PHF14: variants seen among roughly 807,000 people sequenced by gnomAD.
The protein encoded by PHF14 is PHD finger protein 14.
In PHF14, 55 loss-of-function variants were observed where a neutral mutation model predicts 117.9. The ratio of observed to expected loss-of-function variants is 0.47; its 90% CI spans 0.38 to 0.58. The LOEUF (loss-of-function observed/expected upper bound fraction) is 0.58, where lower values mean the gene tolerates loss of function less well. PHF14 is among the 20% of genes least tolerant of loss of function. The pLI is 0.00. For synonymous variants in PHF14, 409 were observed against 368.6 expected, an observed-to-expected ratio of 1.11 and a Z score of -1.26; for missense variants, 978 against 1,122.2, an observed-to-expected ratio of 0.87 and a Z score of 1.84.
At chr7:11,152,109 T>A (rs1288504511) in intron 17 of PHF14, among the ~76,000 whole-genome samples, 1 of 152,132 alleles carries the variant, frequency 6.6e-6, no homozygotes, top group Non-Finnish European at 1.5e-5. Flanking sequence ...TTGCTTTTGA[T>A]CAGTACTGCA....
At chr7:11,016,752 C>T (rs1379209072) in intron 5 of PHF14, among the ~76,000 whole-genome samples, 2 of 152,062 alleles carry the variant, frequency 1.3e-5, no homozygotes, top group Non-Finnish European at 2.9e-5. Flanking sequence ...AATCCAGTTA[C>T]CCTCTTTAAG....
rs118030845 is a variant in PHF14 at position 11,121,152 on chromosome 7, G to A, written c.2772+9685G>A. The stretch of plus-strand genomic sequence containing the variant: ...TCCCTAAAGAATGACTTTTTAACAG[G>A]TAAATATCAGCAACACACCCTTTTT... On this transcript the variant is annotated intron_variant, in intron 17 of 17. Transcript: ENST00000634607. Among the ~76,000 whole-genome samples the A allele has an allele frequency of 7.9e-5, 12 of 152,230 alleles. No homozygotes were observed. The East Asian group carries it at 2.3e-3, about 29-fold the overall frequency.
In PHF14 at chr7:10,990,794, A is replaced by T. The variant is rs1424803321; in HGVS notation, c.992A>T (p.Glu331Val). 6.3e-7 allele frequency: 1 copy of T among 1,588,210 alleles called. No individual in the cohort carries two copies. The highest frequency in any genetic ancestry group is 8.6e-7 in the Non-Finnish European group (1 of 1,164,884). The change falls in exon 4 of 18, where the codon GAG becomes GTG. Residue 331 changes from glutamate to valine, a missense_variant. By Grantham distance (121) the Glu-to-Val change is moderately radical (BLOSUM62 -2). Around this residue, in one of 7 missense-constraint regions of PHF14, gnomAD observed 86 missense variants for 137.8 expected, o/e 0.62. Transcript: ENST00000634607. ...TGTGTTTGTCTGGGAGATAATAGTG[A>T]GGACGCTGATGAAATAATTCAGTGT... ...ICCVCLGDNS[E>V]DADEIIQCDN...
At position 11,080,579 on chromosome 7, in the gene PHF14, G is replaced by A. The variant is rs191246044; in HGVS notation, c.2654+18494G>A. ...TTTTTAAATAAACATTAACTCTGCT[G>A]GTTTTTCTCCCTGATGTCTCAAAAT... On this transcript the variant is annotated intron_variant, in intron 16 of 17. Transcript: ENST00000634607. Among the ~76,000 whole-genome samples the A allele has an allele frequency of 1.6e-3, 250 of 152,172 alleles. 1 individual carries two copies. The highest frequency in any genetic ancestry group is 5.9e-3 in the African/African-American group (244 of 41,544).
chr7:10,980,187 C>T (rs1399400651), intron 2 of PHF14, among the ~76,000 whole-genome samples: 1 of 152,004 alleles, frequency 6.6e-6, no homozygotes, highest in Non-Finnish European at 1.5e-5. Context: ...ACACTTCTGC[C>T]CCAGTTAATC....
rs532385713 is a variant in PHF14 at position 11,065,984 on chromosome 7, T to C, written c.2654+3899T>C. Among the ~76,000 whole-genome samples the C allele has an allele frequency of 3.9e-5, 6 of 152,194 alleles. 1 individual carries two copies. The highest frequency in any genetic ancestry group is 8.8e-5 in the Non-Finnish European group (6 of 68,022). ...AATGATCTATTAAGCTATTTCACTT[T>C]TATAGCTAATTCTACACTATCAAAT... On this transcript the variant is annotated intron_variant, in intron 16 of 17. Coordinates refer to ENST00000634607, the MANE Select transcript of PHF14 (RefSeq NM_001007157.2).
At chr7:11,025,442 G>C (rs1011136849) in intron 6 of PHF14, among the ~76,000 whole-genome samples, 10 of 152,190 alleles carry the variant, frequency 6.6e-5, no homozygotes, top group Non-Finnish European at 1.5e-5. Flanking sequence ...ACGTGCCACA[G>C]AGAAATCTTT....
chr7:11,088,493 A>T (rs796481884), intron 16 of PHF14, among the ~76,000 whole-genome samples: 12 of 152,350 alleles, frequency 7.9e-5, no homozygotes, highest in African/African-American at 2.9e-4. Context: ...AATGAAAATA[A>T]CAGAGTATTT....
intron 16 of PHF14, chr7:11,063,362 GA>G: frequency 1.0e-6 from 1 of 983,600 alleles, no homozygotes; most frequent in Non-Finnish European, 1.2e-6. Context: ...GCAATATGTC[GA>G]AAATGAAATC....
At position 11,085,155 on chromosome 7, in the gene PHF14, T is replaced by C. The variant is rs186820467; in HGVS notation, c.2654+23070T>C. ...TTATTTAGGCAGGAAATGCAAATTA[T>C]CTGTCTTTGCCCTTTAGATGATCTA... On this transcript the variant is annotated intron_variant, in intron 16 of 17. Transcript: ENST00000634607. Among the ~76,000 whole-genome samples the C allele has an allele frequency of 1.1e-4, 16 of 152,320 alleles. No homozygotes were observed. In the East Asian group the frequency reaches 3.1e-3, roughly 29 times the overall value.
At chr7:11,035,081 A>T (rs529342808) in intron 7 of PHF14, among the ~76,000 whole-genome samples, 1 of 152,144 alleles carries the variant, frequency 6.6e-6, no homozygotes, top group South Asian at 2.1e-4. Context: ...ACATTCTTAG[A>T]TTCAACCAAC....
At chr7:11,164,401 T>C (rs893818756) in intron 17 of PHF14, among the ~76,000 whole-genome samples, 1 of 152,082 alleles carries the variant, frequency 6.6e-6, no homozygotes, top group African/African-American at 2.4e-5. Context: ...GGTAAGAAAA[T>C]AAAAATCAAT....
chr7:11,102,836 G>T, intron 16 of PHF14: 2 of 1,223,450 alleles, frequency 1.6e-6, no homozygotes, highest in East Asian at 4.0e-5. Context: ...TGTCTTGTCA[G>T]AATTGTCGTA....
At chr7:11,063,396 G>A (rs920864086) in intron 16 of PHF14, 1 of 977,326 alleles carries the variant, frequency 1.0e-6, no homozygotes, top group Non-Finnish European at 1.2e-6. Flanking sequence ...GTAACATAAT[G>A]GAGTAAATGA....
intron 2 of PHF14, 124 bp downstream of exon 2, chr7:10,975,069 T>G: frequency 1.5e-6 from 1 of 660,622 alleles, no homozygotes; most frequent in Non-Finnish European, 2.7e-6. Context: ...TTCATTTATT[T>G]TGTCCATTTG....
chr7:11,120,549 G>A (rs1031403984), intron 17 of PHF14, among the ~76,000 whole-genome samples: 1 of 151,948 alleles, frequency 6.6e-6, no homozygotes, highest in Non-Finnish European at 1.5e-5. Flanking sequence ...ATGTCCATTT[G>A]TTATAATTTC....
rs1784009640 is a variant in PHF14, at chr7:11,028,612, T to C, written c.1318-69T>C. 2.2e-5 allele frequency: 30 copies of C among 1,387,132 alleles called. No individual in the cohort carries two copies. The South Asian group carries it at 3.6e-4, about 17-fold the overall frequency. 85.9% of individuals were successfully genotyped at this position (1,387,132 alleles called of 1,614,324 possible). On this transcript the variant is annotated intron_variant, in intron 6 of 17. Transcript: ENST00000634607. ...CATTTTAAATATTTAGTGGACACTTTGTATGAGAATGCAGTCTTTAGTCTG... is the reference window on the plus strand; with the variant it reads ...CATTTTAAATATTTAGTGGACACTTCGTATGAGAATGCAGTCTTTAGTCTG...
chr7:11,123,137 A>G (rs1190448158), intron 17 of PHF14, among the ~76,000 whole-genome samples: 1 of 151,912 alleles, frequency 6.6e-6, no homozygotes, highest in Non-Finnish European at 1.5e-5. Flanking sequence ...GCTGCAGTTG[A>G]TAGCATCTAT....
intron 3 of PHF14, among the ~76,000 whole-genome samples, chr7:10,986,728 T>G (rs1268926221): frequency 2.0e-5 from 3 of 152,220 alleles, no homozygotes; most frequent in African/African-American, 7.2e-5. Context: ...TCTTGCCCTT[T>G]AGTTTTCTGA....
Sources: allele counts gnomAD v4.1 joint callset (sites outside exome capture counted in the v4.1 genomes callset), GRCh38; gene constraint gnomAD v4.1.1; regional missense constraint gnomAD v4.1.1; transcripts MANE v1.5; gene names NCBI Gene and HGNC (gene_info 2026-07-23, HGNC 2026-07-21).